The following SLC6A16 variants were observed in gnomAD, a reference collection of about 807,000 sequenced individuals.
The protein encoded by SLC6A16 is orphan sodium- and chloride-dependent neurotransmitter transporter NTT5.
In SLC6A16, 54 loss-of-function variants were observed where a neutral mutation model predicts 65.4. The ratio of observed to expected loss-of-function variants is 0.83; its 90% CI spans 0.66 to 1.04. SLC6A16 has a LOEUF of 1.04. Ranked by LOEUF, SLC6A16 falls within the 50% of genes least tolerant of loss-of-function variation. The pLI, the probability that SLC6A16 is intolerant of heterozygous loss-of-function variation, is 0.00. For missense variants in SLC6A16, 816 were observed against 914.0 expected, an observed-to-expected ratio of 0.89 and a Z score of 1.38; for synonymous variants, 330 against 346.5, an observed-to-expected ratio of 0.95 and a Z score of 0.53.
chr19:49,338,260 C>T, the SLC6A16 span: 1 of 1,198,516 alleles, frequency 8.3e-7, no homozygotes, highest in Non-Finnish European at 1.1e-6. This position sits in a 1 kb window ranked among gnomAD's most constrained non-coding sequence, Gnocchi z 5.0. Flanking sequence ...CGAGAGACTC[C>T]GCCCCCGCCC....
intron 9 of SLC6A16, 43 bp from the exon 10 acceptor site, chr19:49,293,425 C>T (rs765621960): frequency 1.9e-6 from 3 of 1,603,214 alleles, no homozygotes; most frequent in Middle Eastern, 1.7e-4. Context: ...GAAGTCACGG[C>T]TGGGTGACAA....
rs370892883 is a variant in SLC6A16 at position 49,297,167 on chromosome 19, A to G, written c.1230-2614T>C. ...GAGATATAATATCCACAATATGTAC[A>G]ACTGACAAAGAACTTGCATTTAGGA... On this transcript the variant is annotated intron_variant, in intron 7 of 11. Transcript: ENST00000335875. Among the ~76,000 whole-genome samples, 30 of 152,320 alleles carry G rather than the reference A, an allele frequency of 2.0e-4. 1 individual carries two copies. The highest frequency in any genetic ancestry group is 9.8e-4 in the Admixed American group (15 of 15,298).
chr19:49,336,680 G>A, the SLC6A16 span: 1 of 509,956 alleles, frequency 2.0e-6, no homozygotes, highest in Non-Finnish European at 3.5e-6. Context: ...AGCTGAAGGA[G>A]GAAGGAGAGG....
chr19:49,340,172 C>T, the SLC6A16 span: 1 of 1,523,620 alleles, frequency 6.6e-7, no homozygotes, highest in Non-Finnish European at 9.0e-7. Flanking sequence ...CACCCCTGAC[C>T]TTTCTCGCCC....
At chr19:49,309,269 G>C (rs147990547) in intron 6 of SLC6A16, 32 bp downstream of exon 6, 6 of 1,583,948 alleles carry the variant, frequency 3.8e-6, no homozygotes, top group Non-Finnish European at 5.2e-6. Flanking sequence ...GCCCTACAAG[G>C]CCTGACGGGG....
chr19:49,339,469 C>G, the SLC6A16 span: 2 of 1,571,024 alleles, frequency 1.3e-6, no homozygotes, highest in Non-Finnish European at 1.7e-6. This position sits in a 1 kb window ranked among gnomAD's most constrained non-coding sequence, Gnocchi z 4.5. Flanking sequence ...ATGGCCCTGC[C>G]CTTCATTTCG....
intron 1 of SLC6A16, among the ~76,000 whole-genome samples, chr19:49,319,955 A>C (rs2146170193): frequency 6.6e-6 from 1 of 152,342 alleles, no homozygotes; most frequent in South Asian, 2.1e-4. Flanking sequence ...AAATTAAACA[A>C]CACACTCTTA....
chr19:49,313,180 G>C (rs7246849), intron 1 of SLC6A16, among the ~76,000 whole-genome samples: 4 of 148,736 alleles, frequency 2.7e-5, no homozygotes, highest in South Asian at 4.2e-4. Flanking sequence ...TTTTTTTTCA[G>C]ACACAGGTTC....
chr19:49,318,114 A>G (rs76593073), intron 1 of SLC6A16, among the ~76,000 whole-genome samples: 151 of 152,352 alleles, frequency 9.9e-4, no homozygotes, highest in African/African-American at 2.8e-3. Flanking sequence ...AGTACCTTCG[A>G]GCCATTAGCT....
the SLC6A16 span, chr19:49,337,488 G>A: frequency 1.3e-5 from 8 of 624,082 alleles, no homozygotes; most frequent in South Asian, 1.6e-4. Flanking sequence ...CGGGTGTGAT[G>A]GTGTGCACCT....
the SLC6A16 span, chr19:49,338,226 C>G: frequency 7.0e-7 from 1 of 1,426,876 alleles, no homozygotes; most frequent in Non-Finnish European, 9.1e-7. The surrounding 1 kb of genome is among the most constrained non-coding windows in gnomAD (Gnocchi z 5.0). Context: ...TACCCAGACC[C>G]TGGCGTGGCT....
chr19:49,339,817 G>T, the SLC6A16 span: 1 of 1,345,970 alleles, frequency 7.4e-7, no homozygotes, highest in Non-Finnish European at 9.6e-7. This position sits in a 1 kb window ranked among gnomAD's most constrained non-coding sequence, Gnocchi z 4.5. Flanking sequence ...CTGGGGCATG[G>T]CGGGTGCCTG....
At chr19:49,327,022 G>GAAAAAA (rs893177408), upstream of SLC6A16, among the ~76,000 whole-genome samples, 163 of 137,548 alleles carry the variant, frequency 1.2e-3, 1 homozygote, top group Admixed American at 2.2e-3. Flanking sequence ...CTGTCTCAAG[G>GAAAAAA]AAAAAAAAAA....
intron 1 of SLC6A16, among the ~76,000 whole-genome samples, chr19:49,312,221 AAAACT>A (rs894592236): frequency 2.6e-5 from 4 of 152,182 alleles, no homozygotes; most frequent in South Asian, 2.1e-4. Flanking sequence ...ATTTAAAAAC[AAAACT>A]AAACTAAACT....
At chr19:49,310,795 G>C (rs1442540194) in intron 2 of SLC6A16, 138 bp downstream of exon 2, 2 of 772,920 alleles carry the variant, frequency 2.6e-6, no homozygotes, top group Non-Finnish European at 4.3e-6. Context: ...TAAGTGTCCA[G>C]GGACCTGGCT....
intron 1 of SLC6A16, among the ~76,000 whole-genome samples, chr19:49,319,754 A>G (rs746125443): frequency 4.6e-5 from 7 of 152,146 alleles, no homozygotes; most frequent in Non-Finnish European, 7.3e-5. Context: ...ACAGCAGCAG[A>G]ATACACATTC....
Position 49,309,836 on chromosome 19 carries a change from C to T in SLC6A16, c.701-10G>A, listed in dbSNP as rs778608350. The T allele has an allele frequency of 5.0e-6, 8 of 1,605,096 alleles. No individual in the cohort carries two copies. In the South Asian group the frequency reaches 8.8e-5, roughly 18 times the overall value. Reference sequence around the variant, plus strand: ...CGTTCACATTCAGGATCTGGGGGGACCTGGCTTTAGACATGCCTGCTAGAC... The same window carrying T: ...CGTTCACATTCAGGATCTGGGGGGATCTGGCTTTAGACATGCCTGCTAGAC... On this transcript the variant is annotated splice_polypyrimidine_tract_variant and intron_variant, in intron 4 of 11. Transcript: ENST00000335875.
chr19:49,338,963 T>C, the SLC6A16 span: 1 of 1,542,972 alleles, frequency 6.5e-7, no homozygotes, highest in Non-Finnish European at 8.9e-7. The surrounding 1 kb of genome is among the most constrained non-coding windows in gnomAD (Gnocchi z 5.0). Flanking sequence ...AGCATAAACC[T>C]GTCGAATGGG....
upstream of SLC6A16, among the ~76,000 whole-genome samples, chr19:49,328,285 G>A (rs1161249910): frequency 2.6e-5 from 4 of 152,106 alleles, no homozygotes; most frequent in Non-Finnish European, 5.9e-5. Flanking sequence ...AGCAAAGGAG[G>A]GAAGAGCCCC....
Sources: gnomAD v4.1 joint callset for allele counts (sites outside exome capture counted in the v4.1 genomes callset) on GRCh38, gnomAD v4.1.1 for gene constraint, Gnocchi (gnomAD v3.1) non-coding constraint, MANE v1.5 for transcripts, NCBI Gene and HGNC (gene_info 2026-07-23, HGNC 2026-07-21) for gene names.